Variants in SYNPO observed in about 807,000 individuals in gnomAD.
SYNPO encodes the protein synaptopodin.
SYNPO carries 19 observed loss-of-function variants against 49.5 expected under a neutral mutation model. The observed-to-expected ratio is 0.38, with a 90% CI of 0.27 to 0.56. The LOEUF (loss-of-function observed/expected upper bound fraction) is 0.56, where lower values mean the gene tolerates loss of function less well. Ranked by LOEUF, SYNPO falls within the 20% of genes least tolerant of loss-of-function variation. The pLI, the probability that SYNPO is intolerant of heterozygous loss-of-function variation, is 0.68. For missense variants in SYNPO, 1,131 were observed against 1,248.3 expected, an observed-to-expected ratio of 0.91 and a Z score of 1.42; for synonymous variants, 536 against 548.0, an observed-to-expected ratio of 0.98 and a Z score of 0.31.
intron 2 of SYNPO, among the ~76,000 whole-genome samples, chr5:150,631,778 TCCC>T (rs1035734520): frequency 6.6e-6 from 1 of 151,936 alleles, no homozygotes; most frequent in African/African-American, 2.4e-5. Flanking sequence ...GGGCCCTCTC[TCCC>T]CCATCTCTTC....
the SYNPO span, among the ~76,000 whole-genome samples, chr5:150,589,157 G>A: frequency 2.0e-5 from 3 of 151,834 alleles, no homozygotes; most frequent in Admixed American, 6.6e-5. Flanking sequence ...CGCCTCCTGG[G>A]TTCAAGCAAT....
At chr5:150,588,419 AG>A in the SYNPO span, among the ~76,000 whole-genome samples, 169 of 152,298 alleles carry the variant, frequency 1.1e-3, no homozygotes, top group African/African-American at 3.9e-3. Flanking sequence ...TGTGTCTGCC[AG>A]GGGGAACTTC....
chr5:150,610,844 A>C (rs1408756770), intron 1 of SYNPO, among the ~76,000 whole-genome samples: 1 of 152,240 alleles, frequency 6.6e-6, no homozygotes, highest in Non-Finnish European at 1.5e-5. Context: ...ATTACAAAAA[A>C]TACTCATTTC....
intron 2 of SYNPO, chr5:150,652,010 G>C: frequency 1.0e-5 from 10 of 1,000,578 alleles, no homozygotes; most frequent in Non-Finnish European, 1.2e-5. Flanking sequence ...TGGGGCAAGG[G>C]GTGGTGGAGG....
chr5:150,591,734 A>C, the SYNPO span, among the ~76,000 whole-genome samples: 287 of 152,354 alleles, frequency 1.9e-3, no homozygotes, highest in African/African-American at 6.5e-3. Context: ...TACAATAAAA[A>C]CAAAACAATG....
intron 1 of SYNPO, among the ~76,000 whole-genome samples, chr5:150,601,999 G>T (rs1364155763): frequency 6.6e-6 from 1 of 152,220 alleles, no homozygotes; most frequent in Non-Finnish European, 1.5e-5. Context: ...TGGCAGGTGA[G>T]AAAACCTAGC....
At chr5:150,637,714 C>A (rs182063567), upstream of SYNPO, among the ~76,000 whole-genome samples, 12 of 152,334 alleles carry the variant, frequency 7.9e-5, no homozygotes, top group East Asian at 2.3e-3. Flanking sequence ...ATCGTTCCTC[C>A]TGCGTTTTTT....
At chr5:150,602,983 A>G (rs749730821) in intron 1 of SYNPO, among the ~76,000 whole-genome samples, 6 of 144,454 alleles carry the variant, frequency 4.2e-5, no homozygotes, top group Admixed American at 2.7e-4. Context: ...TGGAAAGCCC[A>G]GTTGCCACCT....
chr5:150,603,851 G>A (rs891257523), intron 1 of SYNPO, among the ~76,000 whole-genome samples: 2 of 152,176 alleles, frequency 1.3e-5, no homozygotes, highest in African/African-American at 4.8e-5. Context: ...TCCTTGATGA[G>A]GCTAAAGCGA....
chr5:150,626,495 C>G (rs1757362158), intron 2 of SYNPO, among the ~76,000 whole-genome samples: 1 of 152,232 alleles, frequency 6.6e-6, no homozygotes, highest in Non-Finnish European at 1.5e-5. Flanking sequence ...CCTGCCCCGT[C>G]TTTGCAAGCC....
At chr5:150,655,775 C>T (rs1758529210) in intron 2 of SYNPO, among the ~76,000 whole-genome samples, 2 of 152,220 alleles carry the variant, frequency 1.3e-5, no homozygotes, top group Admixed American at 1.3e-4. Flanking sequence ...GCCTCAGCCC[C>T]CGCAGTAGCT....
chr5:150,613,187 C>T lies in SYNPO; in HGVS notation c.-265-4916C>T, dbSNP rs117899944. Among the ~76,000 whole-genome samples, 105 of 152,294 alleles carry T rather than the reference C, an allele frequency of 6.9e-4. No individual in the cohort carries two copies. In the East Asian group the frequency reaches 0.02, roughly 29 times the overall value. Reference sequence around the variant, plus strand: ...GCCAGCCCTTTTTTCAGTCCCATGCCTGCTGGTCTGGCCATGTTGCCTCCA... The same window carrying T: ...GCCAGCCCTTTTTTCAGTCCCATGCTTGCTGGTCTGGCCATGTTGCCTCCA... On this transcript the variant is annotated intron_variant, in intron 1 of 2. Coordinates refer to the SYNPO transcript ENST00000394243.
intron 1 of SYNPO, among the ~76,000 whole-genome samples, chr5:150,602,352 A>C (rs1214845625): frequency 1.3e-5 from 2 of 152,190 alleles, no homozygotes; most frequent in African/African-American, 4.8e-5. Context: ...TGTTTTCCAA[A>C]GTCTGGTGTG....
chr5:150,609,229 A>T (rs1464962523), intron 1 of SYNPO, among the ~76,000 whole-genome samples: 2 of 152,218 alleles, frequency 1.3e-5, no homozygotes, highest in Non-Finnish European at 2.9e-5. Flanking sequence ...CAGCTGGGCC[A>T]CTTGGCATGG....
At chr5:150,637,541 C>A (rs143286613), upstream of SYNPO, among the ~76,000 whole-genome samples, 962 of 152,326 alleles carry the variant, frequency 6.3e-3, 12 homozygotes, top group African/African-American at 0.021. Context: ...GGATTCCCAG[C>A]GCCTTCTTTG....
At chr5:150,632,194 G>A (rs1757564683) in intron 2 of SYNPO, among the ~76,000 whole-genome samples, 1 of 152,200 alleles carries the variant, frequency 6.6e-6, no homozygotes, top group East Asian at 1.9e-4. Flanking sequence ...TACACTCGGT[G>A]TATGGCCCAT....
upstream of SYNPO, among the ~76,000 whole-genome samples, chr5:150,636,553 A>G (rs253345): frequency 0.62 from 94,029 of 152,040 alleles, 30,843 homozygotes; most frequent in African/African-American, 0.85. Flanking sequence ...TTCTTTTATA[A>G]TTTGAGGGAA....
chr5:150,609,038 T>C (rs1374757797), intron 1 of SYNPO, among the ~76,000 whole-genome samples: 1 of 152,186 alleles, frequency 6.6e-6, no homozygotes, highest in Non-Finnish European at 1.5e-5. Flanking sequence ...CAGCGGTGTG[T>C]GGATAAATGT....
At chr5:150,651,216 A>C (rs952389773) in intron 2 of SYNPO, 6 of 1,006,202 alleles carry the variant, frequency 6.0e-6, no homozygotes, top group Non-Finnish European at 7.2e-6. Context: ...CTTCAGATTC[A>C]ACCAAGATCT....
Sources: gnomAD v4.1 joint callset for allele counts (sites outside exome capture counted in the v4.1 genomes callset) on GRCh38, gnomAD v4.1.1 for gene constraint, MANE v1.5 for transcripts, NCBI Gene and HGNC (gene_info 2026-07-23, HGNC 2026-07-21) for gene names.